Variants in AKAP9 observed in about 807,000 individuals in gnomAD.
AKAP9 encodes the protein A-kinase anchoring protein 9.
In AKAP9, 311 loss-of-function variants were observed where a neutral mutation model predicts 488.5. The observed-to-expected ratio is 0.64, with a 90% CI of 0.58 to 0.70. The LOEUF (loss-of-function observed/expected upper bound fraction) is 0.70, where lower values mean the gene tolerates loss of function less well. Among genes scored for constraint, AKAP9 ranks in the 30% least tolerant of loss-of-function variants. The pLI, the probability that AKAP9 is intolerant of heterozygous loss-of-function variation, is 0.00. For missense variants in AKAP9, 4,215 were observed against 4,374.5 expected (o/e 0.96, Z 1.03); for synonymous variants, 1,462 against 1,483.5 (o/e 0.99, Z 0.33).
At chr7:92,091,405 G>T (rs1815534851) in intron 38 of AKAP9, among the ~76,000 whole-genome samples, 1 of 151,934 alleles carries the variant, frequency 6.6e-6, no homozygotes, top group Non-Finnish European at 1.5e-5. Flanking sequence ...GGCCAACATG[G>T]TGAAACCCCA....
intron 12 of AKAP9, among the ~76,000 whole-genome samples, chr7:92,018,877 C>G (rs1801922140): frequency 3.3e-5 from 5 of 152,238 alleles, no homozygotes; most frequent in South Asian, 4.1e-4. Flanking sequence ...ACTCAAAAAT[C>G]TTTTAGGTAT....
chr7:92,107,154 G>T, intron 47 of AKAP9, 139 bp from the exon 48 acceptor site: 2 of 882,788 alleles, frequency 2.3e-6, no homozygotes, highest in South Asian at 3.9e-5. Flanking sequence ...CCTTTATCAA[G>T]AATAATAGAA....
At chr7:92,007,169 C>T (rs77947875) in intron 8 of AKAP9, among the ~76,000 whole-genome samples, 1,597 of 151,774 alleles carry the variant, frequency 0.011, 25 homozygotes, top group African/African-American at 0.037. Flanking sequence ...TTGTGTAGGT[C>T]CTAACCATTG....
chr7:91,960,382 A>G (rs1169254786), intron 1 of AKAP9, among the ~76,000 whole-genome samples: 2 of 152,222 alleles, frequency 1.3e-5, no homozygotes, highest in African/African-American at 4.8e-5. Flanking sequence ...AATGAAAAGC[A>G]GGATGAGAAT....
rs1799185341 is a variant in AKAP9 at position 92,001,536 on chromosome 7, C to T, written c.1619C>T (p.Ser540Leu). The change falls in exon 8 of 50, where the codon TCA (serine) becomes TTA (leucine). Residue 540 changes from serine (S) to leucine (L), a missense_variant. By Grantham distance (145) the Ser-to-Leu change is moderately radical. Coordinates refer to ENST00000356239, the MANE Select transcript of AKAP9 (RefSeq NM_005751.5). ...GACCTTGTTGAAGAATTGAGCTTTT[C>T]AAGGGAACAGATTCAGAGAGCTAGA... is the stretch of plus-strand genomic sequence containing the variant. ...LEDLVEELSF[S>L]REQIQRARQT... 1 of 1,613,722 alleles carries T rather than the reference C, an allele frequency of 6.2e-7. No individual in the cohort carries two copies. Among genetic ancestry groups the T allele is most frequent in the Non-Finnish European group, 8.5e-7 (1 of 1,179,900 alleles).
rs58283055 is a variant in AKAP9 at position 91,973,071 on chromosome 7, A to G, written c.49-640A>G. Among the ~76,000 whole-genome samples, 240 of 152,298 alleles carry G rather than the reference A, an allele frequency of 1.6e-3. 7 individuals are homozygous for G. The East Asian group carries it at 0.042, about 26-fold the overall frequency. ...TGCATGTGTGTATGTGTGTGTTTTC[A>G]TATAATCTAAAATCCAGAGCTTGGC... On this transcript the variant is annotated intron_variant, in intron 1 of 49. Transcript: ENST00000356239.
At chr7:92,055,677 A>C (rs1464832353) in intron 22 of AKAP9, among the ~76,000 whole-genome samples, 2 of 152,022 alleles carry the variant, frequency 1.3e-5, no homozygotes, top group South Asian at 4.1e-4. Context: ...AAGTCATTTT[A>C]TTATAACTAT....
intron 23 of AKAP9, among the ~76,000 whole-genome samples, chr7:92,061,884 A>G (rs545265356): frequency 1.3e-5 from 2 of 152,066 alleles, no homozygotes; most frequent in Non-Finnish European, 2.9e-5. Context: ...TTCTAAAATT[A>G]CTTAAAATAC....
Position 92,061,360 on chromosome 7 carries a change from A to G in AKAP9, c.5702A>G (p.Glu1901Gly). The change falls in exon 23 of 50, where the codon GAG becomes GGG. Residue 1901 changes from glutamate (E) to glycine (G), a missense_variant. This residue lies in a region of AKAP9 where 2,361 missense variants were observed against 2,430.0 expected (regional missense o/e 0.97). Coordinates refer to ENST00000356239, the MANE Select transcript of AKAP9 (RefSeq NM_005751.5). ...CTTAAGTGCCAAGAGGAACTTCGAG[A>G]GCGCCTTCATGAGGAGTCCAGGGCC... ...ESLKCQEELR[E>G]RLHEESRARE... 1 of 1,613,130 alleles carries G rather than the reference A, an allele frequency of 6.2e-7. No homozygotes were observed.
In AKAP9 at chr7:92,065,320, G is replaced by A; in HGVS notation, c.6067G>A (p.Val2023Met). 6 of 1,613,146 alleles carry A rather than the reference G, an allele frequency of 3.7e-6. No individual in the cohort carries two copies. The highest frequency in any genetic ancestry group is 1.3e-5 in the African/African-American group (1 of 74,970). The part of the protein sequence containing the change: ...EKVRDDLQKQ[V>M]KALEIDVEEQ... ...AGTACGTGATGACCTTCAAAAACAA[G>A]TGAAAGCTCTAGAAATAGATGTGGA... Residue 2023 changes from valine (V) to methionine (M), a missense_variant, in exon 25 of 50, where the codon GTG (valine) becomes ATG (methionine). Transcript: ENST00000356239.
intron 9 of AKAP9, among the ~76,000 whole-genome samples, chr7:92,013,237 C>T (rs919709385): frequency 2.6e-5 from 4 of 151,396 alleles, no homozygotes; most frequent in African/African-American, 9.7e-5. Context: ...GTGATCCGCC[C>T]GCCTCGGCCT....
chr7:91,963,915 A>G (rs1039222979), intron 1 of AKAP9, among the ~76,000 whole-genome samples: 1 of 152,146 alleles, frequency 6.6e-6, no homozygotes, highest in Non-Finnish European at 1.5e-5. Flanking sequence ...TCTAATTAAT[A>G]GTTATATTAA....
intron 46 of AKAP9, among the ~76,000 whole-genome samples, chr7:92,103,417 C>T (rs1179945515): frequency 2.1e-5 from 3 of 145,206 alleles, no homozygotes; most frequent in East Asian, 2.0e-4. Context: ...AAAAAAAGGC[C>T]GGGCATGGTG....
chr7:92,007,709 A>G (rs1042139974), intron 8 of AKAP9, among the ~76,000 whole-genome samples: 3 of 152,212 alleles, frequency 2.0e-5, no homozygotes, highest in Admixed American at 2.0e-4. Flanking sequence ...CAACTTAGTA[A>G]TTGGTTTATA....
Position 92,003,181 on chromosome 7 carries a change from A to G in AKAP9, c.3264A>G (p.Gln1088=). ...AGGAATCATCACTTAGAGCAACTCA[A>G]CCAAGTGAAAATGATAAACTTCAGA... ...VTKESSLRAT[Q]PSENDKLQKE... is the part of the protein sequence containing the mutation. Residue 1088 remains glutamine, a synonymous_variant, in exon 8 of 50, where the codon CAA becomes CAG. Transcript: ENST00000356239. 1.9e-6 allele frequency: 3 copies of G among 1,611,580 alleles called. No individual in the cohort carries two copies.
intron 48 of AKAP9, 143 bp downstream of exon 48, chr7:92,107,565 G>A (rs1256746444): frequency 1.4e-5 from 11 of 809,618 alleles, no homozygotes; most frequent in Middle Eastern, 3.4e-4. Flanking sequence ...GACCAAGTGC[G>A]GTGGCTCACA....
intron 2 of AKAP9, among the ~76,000 whole-genome samples, chr7:91,979,844 C>G (rs891999712): frequency 8.5e-5 from 13 of 152,142 alleles, no homozygotes; most frequent in African/African-American, 3.1e-4. Flanking sequence ...CCACTTAGAA[C>G]AGTGCACAAT....
chr7:92,019,027 G>A (rs2888851), intron 12 of AKAP9, among the ~76,000 whole-genome samples: 60,937 of 151,932 alleles, frequency 0.4, 12,512 homozygotes, highest in African/African-American at 0.46. Flanking sequence ...TTTCACTCCT[G>A]GTCTTCTACC....
Position 92,017,101 on chromosome 7 carries a change from A to G in AKAP9, c.3836A>G (p.Lys1279Arg). 1 of 1,556,020 alleles carries G rather than the reference A, an allele frequency of 6.4e-7. No homozygotes were observed. Among genetic ancestry groups the G allele is most frequent in the Non-Finnish European group, 8.8e-7 (1 of 1,133,990 alleles). Residue 1279 changes from lysine to arginine, a missense_variant and splice_region_variant, in exon 12 of 50, where the codon AAG becomes AGG. Lys to Arg is a conservative substitution (Grantham distance 26, BLOSUM62 2). Around this residue, in one of 5 missense-constraint regions of AKAP9, gnomAD observed 2,361 missense variants for 2,430.0 expected, o/e 0.97. Coordinates refer to ENST00000356239, the MANE Select transcript of AKAP9 (RefSeq NM_005751.5). ...KLLVLQTRLS[K>R]IWGQQTDGMK... ...TTGGTACTTCAAACACGACTAAGCA[A>G]GGTCTGTGAGATGGAAAATATATTG...
Sources: allele counts gnomAD v4.1 joint callset (sites outside exome capture counted in the v4.1 genomes callset), GRCh38; gene constraint gnomAD v4.1.1; regional missense constraint gnomAD v4.1.1; transcripts MANE v1.5; gene names NCBI Gene and HGNC (gene_info 2026-07-23, HGNC 2026-07-21).